ALDH1L1: variants seen among roughly 807,000 people sequenced by gnomAD.
ALDH1L1 encodes the protein cytosolic 10-formyltetrahydrofolate dehydrogenase.
ALDH1L1 carries 68 observed loss-of-function variants against 101.1 expected under a neutral mutation model. That is an observed-to-expected ratio of 0.67 (90% CI 0.55 to 0.82). The LOEUF (loss-of-function observed/expected upper bound fraction) is 0.82, where lower values mean the gene tolerates loss of function less well. Among genes scored for constraint, ALDH1L1 ranks in the 40% least tolerant of loss-of-function variants. The pLI is 0.00. For missense variants in ALDH1L1, 1,087 were observed against 1,172.7 expected (o/e 0.93, Z 1.07); for synonymous variants, 486 against 470.8 (o/e 1.03, Z -0.42).
At chr3:126,141,225 A>T (rs2080561164) in intron 9 of ALDH1L1, among the ~76,000 whole-genome samples, 1 of 152,106 alleles carries the variant, frequency 6.6e-6, no homozygotes, top group Non-Finnish European at 1.5e-5. Context: ...TTATAAATTC[A>T]TACACACCTA....
chr3:126,126,515 G>A (rs9862658), intron 14 of ALDH1L1, among the ~76,000 whole-genome samples: 10,812 of 152,178 alleles, frequency 0.071, 1,124 homozygotes, highest in African/African-American at 0.23. Context: ...AGACACAGGC[G>A]GTGGGCAGGA....
intron 10 of ALDH1L1, 71 bp downstream of exon 10, chr3:126,137,742 T>C (rs2080478230): frequency 6.5e-7 from 1 of 1,548,496 alleles, no homozygotes; most frequent in Non-Finnish European, 8.7e-7. Context: ...TCCCCTCTTG[T>C]CTTATGTAGT....
At chr3:126,136,975 A>G in intron 10 of ALDH1L1, 92 bp from the exon 11 acceptor site, 1 of 1,529,650 alleles carries the variant, frequency 6.5e-7, no homozygotes, top group Non-Finnish European at 8.9e-7. Flanking sequence ...CACACTGCCC[A>G]GGGGCCTCCT....
intron 9 of ALDH1L1, among the ~76,000 whole-genome samples, chr3:126,138,537 A>T (rs2080501391): frequency 6.6e-6 from 1 of 152,204 alleles, no homozygotes; most frequent in Non-Finnish European, 1.5e-5. Context: ...GACACTCAAC[A>T]TCATTAGGCA....
intron 18 of ALDH1L1, among the ~76,000 whole-genome samples, chr3:126,113,227 C>T (rs764973696): frequency 9.2e-5 from 14 of 152,180 alleles, no homozygotes; most frequent in African/African-American, 1.4e-4. Context: ...CTCACTGGGG[C>T]GGCCCAGGAG....
intron 3 of ALDH1L1, 105 bp downstream of exon 3, chr3:126,158,300 C>T (rs2080958276): frequency 4.4e-6 from 5 of 1,146,600 alleles, no homozygotes; most frequent in Non-Finnish European, 2.5e-6. Flanking sequence ...TGCACGATGC[C>T]CACTCTGCAG....
At chr3:126,106,171 G>A (rs899128214) in intron 21 of ALDH1L1, among the ~76,000 whole-genome samples, 1 of 152,212 alleles carries the variant, frequency 6.6e-6, no homozygotes, top group Admixed American at 6.5e-5. Flanking sequence ...TTATTCCACA[G>A]ACTGGGAGCA....
chr3:126,194,860 G>A (rs1178069607), intron 1 of ALDH1L1, among the ~76,000 whole-genome samples: 1 of 151,898 alleles, frequency 6.6e-6, no homozygotes, highest in African/African-American at 2.4e-5. Flanking sequence ...TTAATTATAT[G>A]TTACAATGGT....
intron 1 of ALDH1L1, 39 bp downstream of exon 1, chr3:126,180,437 C>G: frequency 2.0e-6 from 2 of 988,330 alleles, no homozygotes; most frequent in Non-Finnish European, 2.4e-6. Context: ...GCCTCCTTTC[C>G]GCCGGGAGTC....
At chr3:126,124,536 G>A (rs990290717) in intron 15 of ALDH1L1, 85 bp from the exon 16 acceptor site, 6 of 1,085,146 alleles carry the variant, frequency 5.5e-6, no homozygotes, top group African/African-American at 5.5e-5. Flanking sequence ...TCCTCTCCCA[G>A]CAGCCCAGCA....
Position 126,135,967 on chromosome 3 carries a change from C to T in ALDH1L1, c.1345-305G>A, listed in dbSNP as rs574016693. Among the ~76,000 whole-genome samples, 7 of 152,226 alleles carry T rather than the reference C, an allele frequency of 4.6e-5. No individual in the cohort carries two copies. In the South Asian group the frequency reaches 8.3e-4, roughly 18 times the overall value. On this transcript the variant is annotated intron_variant, in intron 11 of 22. Coordinates refer to ENST00000393434, the MANE Select transcript of ALDH1L1 (RefSeq NM_012190.4). ...GCCTGCTGGGTGTGGTGAGGGGAGC[C>T]GGTGGGGTGTGGTGAGGGCAGCCCA...
upstream of ALDH1L1, among the ~76,000 whole-genome samples, chr3:126,183,901 A>G (rs967180266): frequency 6.6e-6 from 1 of 152,040 alleles, no homozygotes; most frequent in Non-Finnish European, 1.5e-5. Flanking sequence ...CTTTGAGGGG[A>G]TGTTTGGAGG....
intron 1 of ALDH1L1, among the ~76,000 whole-genome samples, chr3:126,177,553 G>A (rs867372111): frequency 6.6e-6 from 1 of 152,164 alleles, no homozygotes; most frequent in African/African-American, 2.4e-5. Flanking sequence ...GGATAGGTAG[G>A]GGGGTTGGGG....
At chr3:126,104,039 T>A in intron 22 of ALDH1L1, 193 bp from the exon 23 acceptor site, 1 of 616,844 alleles carries the variant, frequency 1.6e-6, no homozygotes, top group Admixed American at 2.8e-5. Flanking sequence ...GGGCCAGGAC[T>A]CCCCAGAATA....
intron 1 of ALDH1L1, among the ~76,000 whole-genome samples, chr3:126,162,597 G>T (rs977255216): frequency 3.3e-5 from 5 of 152,058 alleles, no homozygotes; most frequent in African/African-American, 1.2e-4. Context: ...TGAGCTCTTT[G>T]TCAGATATGT....
Position 126,105,744 on chromosome 3 carries a change from C to G in ALDH1L1, c.2635G>C (p.Gly879Arg). 6.2e-7 allele frequency: 1 copy of G among 1,614,184 alleles called. No individual in the cohort carries two copies. Among genetic ancestry groups the G allele is most frequent in the Non-Finnish European group, 8.5e-7 (1 of 1,180,036 alleles). Residue 879 changes from glycine (G) to arginine (R), a missense_variant, in exon 22 of 23, where the codon GGA becomes CGA. By Grantham distance (125) the Gly-to-Arg change is moderately radical. Transcript: ENST00000393434. The part of the protein sequence containing the change: ...AAPFGGFKQS[G>R]FGKDLGEAAL... ...AGGTTACCTAGATCTTTGCCAAATC[C>G]AGACTGTTTGAATCCTCCGAAGGGA... is the stretch of plus-strand genomic sequence containing the variant.
chr3:126,161,894 A>G (rs2081061999), intron 1 of ALDH1L1, among the ~76,000 whole-genome samples: 1 of 152,014 alleles, frequency 6.6e-6, no homozygotes, highest in Non-Finnish European at 1.5e-5. Flanking sequence ...ACATTCACCA[A>G]GAATGATGGG....
At chr3:126,157,262 C>T in intron 4 of ALDH1L1, 81 bp downstream of exon 4, 3 of 1,483,888 alleles carry the variant, frequency 2.0e-6, no homozygotes, top group Non-Finnish European at 1.8e-6. Context: ...TCCTGGCCTC[C>T]AGGAGCGGTG....
Position 126,125,601 on chromosome 3 carries a change from T to C in ALDH1L1, c.1800+15A>G. On this transcript the variant is annotated intron_variant, in intron 15 of 22. Transcript: ENST00000393434. ...TGTGGCCTGCAGGCCCTGTCCAGAGTGAACCCACGCTCACCTGAGCAGGCT... is the reference window on the plus strand; with the variant it reads ...TGTGGCCTGCAGGCCCTGTCCAGAGCGAACCCACGCTCACCTGAGCAGGCT... The C allele has an allele frequency of 1.3e-6, 2 of 1,521,156 alleles. No individual in the cohort carries two copies. Among genetic ancestry groups the C allele is most frequent in the Non-Finnish European group, 1.8e-6 (2 of 1,127,700 alleles). The allele number at this position is 1,521,156 out of a possible 1,614,324, so 94.2% of individuals were successfully genotyped here. A position where few individuals can be genotyped will look rare whatever the true frequency, so the allele number is the denominator to read the frequency against.
Sources: allele counts gnomAD v4.1 joint callset (sites outside exome capture counted in the v4.1 genomes callset), GRCh38; gene constraint gnomAD v4.1.1; transcripts MANE v1.5; gene names NCBI Gene and HGNC (gene_info 2026-07-23, HGNC 2026-07-21).